Variants in RIF1 observed in about 807,000 individuals in gnomAD.
RIF1 encodes the protein replication timing regulatory factor 1.
Under a neutral mutation model 247.1 loss-of-function variants are expected in RIF1, and 45 were observed. The observed-to-expected ratio is 0.18, with a 90% CI of 0.14 to 0.23. RIF1 has a LOEUF of 0.23. Among genes scored for constraint, RIF1 ranks in the 10% least tolerant of loss-of-function variants. RIF1 has a pLI of 1.00. For synonymous variants in RIF1, 1,087 were observed against 978.8 expected, an observed-to-expected ratio of 1.11 and a Z score of -2.06; for missense variants, 2,967 against 2,862.5, an observed-to-expected ratio of 1.04 and a Z score of -0.83.
the RIF1 span, chr2:151,518,355 T>G: frequency 6.2e-7 from 1 of 1,611,958 alleles, no homozygotes; most frequent in South Asian, 1.1e-5. Context: ...TAGGTGAAGC[T>G]GCTCCAGATT....
chr2:151,502,825 T>C (rs200979504), intron 11 of RIF1: 2 of 1,608,986 alleles, frequency 1.2e-6, no homozygotes, highest in South Asian at 1.1e-5. Flanking sequence ...CGTTTGACTC[T>C]CTCCATCTCT....
At chr2:151,492,333 CT>C (rs1198223698) in intron 9 of RIF1, 43 of 1,591,688 alleles carry the variant, frequency 2.7e-5, no homozygotes, top group Non-Finnish European at 3.6e-5. Context: ...GACTATATCC[CT>C]TTTTACACAT....
intron 10 of RIF1, chr2:151,497,464 G>A: frequency 2.0e-6 from 2 of 982,410 alleles, no homozygotes; most frequent in Non-Finnish European, 1.2e-6. Flanking sequence ...TGGGAATGGT[G>A]TTAGGCTAGA....
At chr2:151,532,240 T>C in the RIF1 span, 2 of 207,398 alleles carry the variant, frequency 9.6e-6, no homozygotes, top group South Asian at 8.4e-5. Flanking sequence ...ATATGTTTTA[T>C]ACACATGTAC....
chr2:151,497,981 A>AAAC (rs781111369), intron 10 of RIF1: 1 of 1,435,538 alleles, frequency 7.0e-7, no homozygotes, highest in Non-Finnish European at 9.1e-7. Context: ...GGTGCCTCCT[A>AAAC]AACAATCACA....
intron 7 of RIF1, among the ~76,000 whole-genome samples, chr2:151,422,336 G>GA (rs796524814): frequency 9.3e-5 from 14 of 151,014 alleles, no homozygotes; most frequent in African/African-American, 3.2e-4. Context: ...TATATTGGTA[G>GA]AAAAAAAAAG....
chr2:151,488,895 C>T (rs1207859222), intron 9 of RIF1, among the ~76,000 whole-genome samples: 1 of 151,932 alleles, frequency 6.6e-6, no homozygotes. Flanking sequence ...CATGCTAAAT[C>T]GATATTTTGT....
At chr2:151,428,130 G>A (rs921665631) in intron 8 of RIF1, among the ~76,000 whole-genome samples, 1 of 152,194 alleles carries the variant, frequency 6.6e-6, no homozygotes, top group Non-Finnish European at 1.5e-5. Context: ...TTGGAAGGCT[G>A]AGGCAGGAGA....
At chr2:151,523,253 T>C in the RIF1 span, among the ~76,000 whole-genome samples, 1 of 152,276 alleles carries the variant, frequency 6.6e-6, no homozygotes, top group African/African-American at 2.4e-5. Context: ...ATAAAATATG[T>C]TACATAGGAA....
chr2:151,530,968 G>T, the RIF1 span: 1 of 1,482,180 alleles, frequency 6.7e-7, no homozygotes. Context: ...AGATGAGAGG[G>T]ACTGCTAAAC....
chr2:151,509,899 C>T (rs116013237), downstream of RIF1, among the ~76,000 whole-genome samples: 18 of 152,294 alleles, frequency 1.2e-4, no homozygotes, highest in African/African-American at 4.1e-4. Context: ...CGAGCCACTG[C>T]GCCCGACCAA....
intron 11 of RIF1, chr2:151,501,252 A>G (rs895235990): frequency 5.4e-6 from 3 of 552,852 alleles, no homozygotes; most frequent in Non-Finnish European, 9.7e-6. Flanking sequence ...GGAGATCTGG[A>G]AAACAGAAGG....
At chr2:151,511,286 C>G (rs1371611361), downstream of RIF1, among the ~76,000 whole-genome samples, 1 of 152,186 alleles carries the variant, frequency 6.6e-6, no homozygotes, top group African/African-American at 2.4e-5. Flanking sequence ...GCATCCCTAC[C>G]CTTCAAAGAA....
intron 31 of RIF1, 49 bp from the exon 32 acceptor site, chr2:151,468,425 T>C (rs748984799): frequency 3.6e-6 from 5 of 1,403,764 alleles, no homozygotes; most frequent in South Asian, 1.2e-5. Flanking sequence ...TGTGAAATTA[T>C]AGTCATCTAG....
the RIF1 span, chr2:151,516,328 T>C: frequency 2.0e-5 from 12 of 595,578 alleles, no homozygotes. Flanking sequence ...GAGAAGATTT[T>C]AGTGATCACA....
downstream of RIF1, among the ~76,000 whole-genome samples, chr2:151,509,513 G>A (rs1172910982): frequency 6.6e-6 from 1 of 152,204 alleles, no homozygotes; most frequent in East Asian, 1.9e-4. Flanking sequence ...CTGGGAGAAA[G>A]GGACCTGAAC....
chr2:151,524,333 T>G, the RIF1 span: 6 of 1,613,770 alleles, frequency 3.7e-6, no homozygotes, highest in Admixed American at 3.3e-5. Flanking sequence ...CTTGGCTGCC[T>G]TCTTGGCCAT....
At chr2:151,499,623 T>TATTTC in intron 11 of RIF1, 1 of 340,122 alleles carries the variant, frequency 2.9e-6, no homozygotes. Context: ...TGAATATATT[T>TATTTC]ATTTCCTGTG....
the RIF1 span, chr2:151,527,365 C>G: frequency 6.7e-5 from 59 of 881,914 alleles, no homozygotes; most frequent in Non-Finnish European, 2.1e-5. Context: ...CTCTCCTTCT[C>G]GGATCTCAAA....
Sources: gnomAD v4.1 joint callset for allele counts (sites outside exome capture counted in the v4.1 genomes callset) on GRCh38, gnomAD v4.1.1 for gene constraint, MANE v1.5 for transcripts, NCBI Gene and HGNC (gene_info 2026-07-23, HGNC 2026-07-21) for gene names.